Variants in CCDC181 observed in about 807,000 individuals in gnomAD.
CCDC181 encodes coiled-coil domain-containing protein 181.
In CCDC181, 35 loss-of-function variants were observed where a neutral mutation model predicts 58.7. That is an observed-to-expected ratio of 0.60 (90% CI 0.46 to 0.79). CCDC181 has a LOEUF of 0.79. CCDC181 is among the 30% of genes least tolerant of loss of function. CCDC181 has a pLI of 0.00. For synonymous variants in CCDC181, 183 were observed against 197.5 expected, an observed-to-expected ratio of 0.93 and a Z score of 0.62; for missense variants, 517 against 583.9, an observed-to-expected ratio of 0.89 and a Z score of 1.18.
chr1:169,422,378 G>A (rs1413609956), intron 2 of CCDC181, 65 bp from the exon 3 acceptor site: 2 of 1,171,074 alleles, frequency 1.7e-6, no homozygotes, highest in Non-Finnish European at 2.3e-6. Flanking sequence ...ATACAAAATG[G>A]GATTTTTCCT....
At chr1:169,451,349 A>G (rs1657528848) in intron 2 of CCDC181, 1 of 152,146 alleles carries the variant, frequency 6.6e-6, no homozygotes, top group African/African-American at 2.4e-5. Flanking sequence ...AATAATTAGC[A>G]TAAAATTTGC....
At chr1:169,456,232 A>G (rs1657672441) in intron 2 of CCDC181, among the ~76,000 whole-genome samples, 2 of 151,964 alleles carry the variant, frequency 1.3e-5, no homozygotes, top group South Asian at 4.2e-4. Context: ...CTCCTCCTTA[A>G]CTCTCACTTA....
upstream of CCDC181, among the ~76,000 whole-genome samples, chr1:169,430,304 G>T (rs1656880928): frequency 6.6e-6 from 1 of 151,612 alleles, no homozygotes; most frequent in Non-Finnish European, 1.5e-5. Context: ...GAATTTGAGG[G>T]TTGTTTTTTC....
intron 4 of CCDC181, among the ~76,000 whole-genome samples, chr1:169,406,298 T>C (rs1655652489): frequency 6.6e-6 from 1 of 152,214 alleles, no homozygotes; most frequent in Admixed American, 6.5e-5. Flanking sequence ...CATTACTGGG[T>C]ATATACCCAA....
At chr1:169,435,771 G>A (rs1469275753) in intron 2 of CCDC181, among the ~76,000 whole-genome samples, 1 of 152,114 alleles carries the variant, frequency 6.6e-6, no homozygotes, top group East Asian at 1.9e-4. Flanking sequence ...AAAATTATGT[G>A]TGGAATTCTG....
intron 4 of CCDC181, among the ~76,000 whole-genome samples, chr1:169,414,019 TA>T (rs35602422): frequency 0.016 from 2,356 of 151,686 alleles, 45 homozygotes; most frequent in African/African-American, 0.046. Context: ...AAAATATAAT[TA>T]AAAAAAATAA....
intron 3 of CCDC181, among the ~76,000 whole-genome samples, chr1:169,421,029 T>G (rs913266066): frequency 2.6e-5 from 4 of 152,192 alleles, no homozygotes; most frequent in African/African-American, 9.6e-5. Context: ...CATCTGACAT[T>G]TTATTTTTAC....
At chr1:169,440,559 G>C (rs1657187838) in intron 2 of CCDC181, among the ~76,000 whole-genome samples, 1 of 152,146 alleles carries the variant, frequency 6.6e-6, no homozygotes, top group South Asian at 2.1e-4. Flanking sequence ...CATTTGCCAA[G>C]ACATAGAGGC....
At chr1:169,398,214 T>C (rs1450463955) in intron 4 of CCDC181, among the ~76,000 whole-genome samples, 2 of 152,278 alleles carry the variant, frequency 1.3e-5, no homozygotes, top group Non-Finnish European at 2.9e-5. Context: ...ATAGGAGGAA[T>C]AAGTTCTGGT....
At chr1:169,440,681 T>C (rs751336252) in intron 2 of CCDC181, among the ~76,000 whole-genome samples, 2 of 151,742 alleles carry the variant, frequency 1.3e-5, no homozygotes, top group Admixed American at 1.3e-4. Flanking sequence ...CTTTGGGACA[T>C]TGAGGTAGGC....
intron 4 of CCDC181, among the ~76,000 whole-genome samples, chr1:169,407,076 C>G (rs987753500): frequency 7.0e-5 from 10 of 143,154 alleles, no homozygotes; most frequent in African/African-American, 2.5e-4. Context: ...AAAAAAAAAG[C>G]CTTTGAAGAA....
intron 4 of CCDC181, among the ~76,000 whole-genome samples, chr1:169,411,159 AAGAG>A (rs1047469570): frequency 1.2e-4 from 19 of 152,180 alleles, no homozygotes; most frequent in Non-Finnish European, 2.5e-4. Flanking sequence ...TAAAGAATAA[AAGAG>A]AGAAGAATCA....
chr1:169,401,932 T>C (rs1476420357), intron 4 of CCDC181, among the ~76,000 whole-genome samples: 1 of 152,046 alleles, frequency 6.6e-6, no homozygotes, highest in African/African-American at 2.4e-5. Flanking sequence ...AATGGCTAAC[T>C]AGAATAAACA....
intron 4 of CCDC181, among the ~76,000 whole-genome samples, chr1:169,417,648 C>A (rs1338517471): frequency 6.6e-6 from 1 of 152,066 alleles, no homozygotes; most frequent in Admixed American, 6.6e-5. Context: ...GGAGTTAGAA[C>A]TGAAAGTTCC....
chr1:169,422,809 C>A (rs2102095234), intron 2 of CCDC181, among the ~76,000 whole-genome samples: 1 of 151,946 alleles, frequency 6.6e-6, no homozygotes, highest in Non-Finnish European at 1.5e-5. Flanking sequence ...TCACTATAAT[C>A]TGCAGGACCT....
In CCDC181 at chr1:169,421,422, G is replaced by C; in HGVS notation, c.1009C>G (p.Pro337Ala). ...SPVTSTYCLS[P>A]RQKELQKQLE... ...TGTTTTTGTAGTTCTTTCTGTCGAG[G>C]GGAAAGACAGTATGTTGAAGTCACT... Residue 337 changes from proline to alanine, a missense_variant, in exon 3 of 6, where the codon CCT becomes GCT. Transcript: ENST00000367806. 1.2e-6 allele frequency: 2 copies of C among 1,613,666 alleles called. No individual in the cohort carries two copies.
chr1:169,424,761 G>T (rs1041495335), intron 2 of CCDC181, 50 bp downstream of exon 2: 15 of 1,052,064 alleles, frequency 1.4e-5, no homozygotes, highest in Non-Finnish European at 1.8e-5. Flanking sequence ...TTAAAGAATT[G>T]CAAAGCACTT....
At chr1:169,402,184 T>C (rs529637660) in intron 4 of CCDC181, among the ~76,000 whole-genome samples, 1 of 152,326 alleles carries the variant, frequency 6.6e-6, no homozygotes, top group East Asian at 1.9e-4. Context: ...GTCTGATTGG[T>C]GTACCTGAAA....
chr1:169,423,432 T>G (rs200861732), intron 2 of CCDC181, among the ~76,000 whole-genome samples: 1 of 17,214 alleles, frequency 5.8e-5, no homozygotes, highest in Non-Finnish European at 1.3e-4. Flanking sequence ...CTTTAGCTTT[T>G]CTTTTCTTTT....
Sources: gnomAD v4.1 joint callset for allele counts (sites outside exome capture counted in the v4.1 genomes callset) on GRCh38, gnomAD v4.1.1 for gene constraint, MANE v1.5 for transcripts, NCBI Gene and HGNC (gene_info 2026-07-23, HGNC 2026-07-21) for gene names.